RAB3B: variants seen among roughly 807,000 people sequenced by gnomAD.
RAB3B encodes the protein ras-related protein Rab-3B.
A neutral mutation model predicts 20.5 loss-of-function variants in RAB3B; 11 were observed. The ratio of observed to expected loss-of-function variants is 0.54; its 90% CI spans 0.34 to 0.89. RAB3B has a LOEUF of 0.89. Among genes scored for constraint, RAB3B ranks in the 40% least tolerant of loss-of-function variants. RAB3B has a pLI of 0.02. For missense variants in RAB3B, 225 were observed against 280.9 expected (o/e 0.80, Z 1.42); for synonymous variants, 99 against 106.3 (o/e 0.93, Z 0.42).
intron 2 of RAB3B, among the ~76,000 whole-genome samples, chr1:51,941,770 C>T (rs1684498068): frequency 6.6e-6 from 1 of 152,222 alleles, no homozygotes; most frequent in Non-Finnish European, 1.5e-5. Flanking sequence ...GCATCTTACT[C>T]TCCACCTCAA....
chr1:51,958,583 C>G (rs1211634541), intron 2 of RAB3B, among the ~76,000 whole-genome samples: 2 of 152,100 alleles, frequency 1.3e-5, no homozygotes, highest in Admixed American at 6.5e-5. Context: ...ATTAGCCGGG[C>G]GTGGAGGCGC....
At chr1:51,940,045 T>G (rs1017539932) in intron 2 of RAB3B, among the ~76,000 whole-genome samples, 1 of 152,234 alleles carries the variant, frequency 6.6e-6, no homozygotes, top group Non-Finnish European at 1.5e-5. Context: ...GTTGCACCTG[T>G]TATCCACAAA....
intron 1 of RAB3B, among the ~76,000 whole-genome samples, chr1:51,979,268 C>CTTTTTTTTTTTTTTTT (rs112504777): frequency 7.3e-6 from 1 of 136,642 alleles, no homozygotes. Context: ...AGGCATTATG[C>CTTTTTTTTTTTTTTTT]TTTTTTTTTT....
intron 2 of RAB3B, among the ~76,000 whole-genome samples, chr1:51,966,383 C>T (rs1055551576): frequency 2.0e-5 from 3 of 152,122 alleles, no homozygotes; most frequent in African/African-American, 7.2e-5. Context: ...GACAGTGCCT[C>T]GCATATAATA....
At chr1:51,935,471 G>A (rs1684386619) in intron 3 of RAB3B, among the ~76,000 whole-genome samples, 1 of 152,168 alleles carries the variant, frequency 6.6e-6, no homozygotes, top group African/African-American at 2.4e-5. Flanking sequence ...TCAGACTCAA[G>A]GCAGGTAACT....
At chr1:51,983,222 C>G (rs996346177) in intron 1 of RAB3B, among the ~76,000 whole-genome samples, 2 of 151,724 alleles carry the variant, frequency 1.3e-5, no homozygotes, top group African/African-American at 4.8e-5. Flanking sequence ...GGCATGGTGG[C>G]AGATACCTGT....
rs1318591131 is a variant in RAB3B, at chr1:51,917,129, A to T, written c.*2798T>A. 1 of 152,206 alleles carries T rather than the reference A, an allele frequency of 6.6e-6. No individual in the cohort carries two copies. The highest frequency in any genetic ancestry group is 1.9e-4 in the East Asian group (1 of 5,200). The allele number at this position is 152,206 out of a possible 1,614,324, so 9.4% of individuals were successfully genotyped here. ...TGTACCTTTGTTTCCTCATCTTCAA[A>T]TGAGGCTCACTATAGTGCCTCCCTC... is the stretch of plus-strand genomic sequence containing the variant. On this transcript the variant is annotated 3_prime_UTR_variant, in exon 5 of 5. Coordinates refer to ENST00000371655, the MANE Select transcript of RAB3B (RefSeq NM_002867.4).
chr1:51,923,794 G>A (rs556847889), intron 4 of RAB3B, among the ~76,000 whole-genome samples: 1 of 151,922 alleles, frequency 6.6e-6, no homozygotes. Flanking sequence ...CAGTACTTTG[G>A]GGGTGCCAAG....
At chr1:51,985,807 A>G (rs1360491037) in intron 1 of RAB3B, among the ~76,000 whole-genome samples, 1 of 152,020 alleles carries the variant, frequency 6.6e-6, no homozygotes, top group Non-Finnish European at 1.5e-5. Context: ...CAAGAGTAAA[A>G]AATTGTTTCA....
chr1:51,912,519 C>T lies in RAB3B; in HGVS notation c.*7408G>A, dbSNP rs2124215156. 8.7e-6 allele frequency: 1 copy of T among 115,396 alleles called. No individual in the cohort carries two copies. Among genetic ancestry groups the T allele is most frequent in the South Asian group, 2.8e-4 (1 of 3,518 alleles). The allele number at this position is 115,396 out of a possible 1,614,324, so 7.1% of individuals were successfully genotyped here. ...GGCCAGAATTTGAAACCAGCTTGGG[C>T]AACATAGCAAGACCGTCTCTATTAA... On this transcript the variant is annotated 3_prime_UTR_variant, in exon 5 of 5. Transcript: ENST00000371655.
At chr1:51,987,187 G>A (rs1685163239) in intron 1 of RAB3B, among the ~76,000 whole-genome samples, 1 of 152,214 alleles carries the variant, frequency 6.6e-6, no homozygotes, top group Non-Finnish European at 1.5e-5. Flanking sequence ...AAAGAGCGGG[G>A]AGGAGGAGGA....
intron 4 of RAB3B, among the ~76,000 whole-genome samples, chr1:51,928,163 A>C (rs1684271123): frequency 6.6e-6 from 1 of 151,930 alleles, no homozygotes; most frequent in Non-Finnish European, 1.5e-5. Context: ...CTGGAGTGCA[A>C]TGGTGCGATC....
intron 1 of RAB3B, among the ~76,000 whole-genome samples, chr1:51,979,511 T>C (rs1041884269): frequency 6.6e-6 from 1 of 151,724 alleles, no homozygotes; most frequent in Non-Finnish European, 1.5e-5. Flanking sequence ...CCTCAGGTGA[T>C]CCACCTGCCT....
At position 51,937,333 on chromosome 1, in the gene RAB3B, T is replaced by C; in HGVS notation, c.308A>G (p.Asp103Gly). The change falls in exon 3 of 5, where the codon GAC (aspartate) becomes GGC (glycine). Residue 103 changes from aspartate to glycine, a missense_variant. Physicochemically the swap from Asp to Gly is moderately conservative, Grantham distance 94 (BLOSUM62 -1). Transcript: ENST00000371655. ...RGAMGFILMYDITNEESFNAV... is the reference protein window; with the variant it reads ...RGAMGFILMYGITNEESFNAV... ...ATTGAAGGACTCTTCATTGGTGATG[T>C]CATACATCAGAATGAAGCCCATGGC... The C allele has an allele frequency of 6.2e-7, 1 of 1,613,198 alleles. No homozygotes were observed.
intron 3 of RAB3B, among the ~76,000 whole-genome samples, chr1:51,935,350 G>A (rs1050192738): frequency 6.6e-6 from 1 of 152,128 alleles, no homozygotes; most frequent in African/African-American, 2.4e-5. Flanking sequence ...AGGAAACCAG[G>A]CCCCATTCTG....
chr1:51,974,855 C>T (rs901637172), intron 2 of RAB3B, among the ~76,000 whole-genome samples: 12 of 152,108 alleles, frequency 7.9e-5, no homozygotes, highest in African/African-American at 2.7e-4. Flanking sequence ...TACAGACTGC[C>T]CCAATAAGAT....
At chr1:51,920,226 G>T in intron 4 of RAB3B, 112 bp from the exon 5 acceptor site, 1 of 936,332 alleles carries the variant, frequency 1.1e-6, no homozygotes, top group Non-Finnish European at 1.5e-6. Flanking sequence ...CAGCAGTGAA[G>T]CAAAGAGGCT....
rs555815624 is a variant in RAB3B at position 51,980,394 on chromosome 1, C to T, written c.1-3277G>A. 220 of 403,028 alleles carry T rather than the reference C, an allele frequency of 5.5e-4. 2 individuals carry two copies. The highest frequency in any genetic ancestry group is 8.7e-4 in the South Asian group (34 of 39,102). 25.0% of individuals were successfully genotyped at this position (403,028 alleles called of 1,614,324 possible). A position where few individuals can be genotyped will look rare whatever the true frequency, so the allele number is the denominator to read the frequency against. ...AGTAAACCATGATTGTGCCACTGCA[C>T]TCCAGCTTGGGCAACAGAGCAAGAC... is the stretch of plus-strand genomic sequence containing the variant. On this transcript the variant is annotated intron_variant, in intron 1 of 4. Transcript: ENST00000371655.
At chr1:51,952,553 T>C (rs1015541282) in intron 2 of RAB3B, among the ~76,000 whole-genome samples, 2 of 152,168 alleles carry the variant, frequency 1.3e-5, no homozygotes, top group African/African-American at 2.4e-5. Flanking sequence ...CCTATATCTC[T>C]CATTTAGACT....
Sources: allele counts gnomAD v4.1 joint callset (sites outside exome capture counted in the v4.1 genomes callset), GRCh38; gene constraint gnomAD v4.1.1; transcripts MANE v1.5; gene names NCBI Gene and HGNC (gene_info 2026-07-23, HGNC 2026-07-21).